The following PATJ variants were observed in gnomAD, a reference collection of about 807,000 sequenced individuals.
PATJ encodes PATJ crumbs cell polarity complex component.
Under a neutral mutation model 224.9 loss-of-function variants are expected in PATJ, and 190 were observed. That is an observed-to-expected ratio of 0.84 (90% CI 0.75 to 0.95). The LOEUF (loss-of-function observed/expected upper bound fraction) is 0.95, where lower values mean the gene tolerates loss of function less well. Among genes scored for constraint, PATJ ranks in the 40% least tolerant of loss-of-function variants. The pLI, the probability that PATJ is intolerant of heterozygous loss-of-function variation, is 0.00. For missense variants in PATJ, 2,121 were observed against 2,270.3 expected, an observed-to-expected ratio of 0.93 and a Z score of 1.34; for synonymous variants, 769 against 820.3, an observed-to-expected ratio of 0.94 and a Z score of 1.07.
At chr1:61,830,488 A>G (rs1442702344) in intron 16 of PATJ, among the ~76,000 whole-genome samples, 1 of 152,240 alleles carries the variant, frequency 6.6e-6, no homozygotes, top group Non-Finnish European at 1.5e-5. Flanking sequence ...CGAATTAGAA[A>G]AAAACTATTC....
chr1:62,111,260 C>T (rs534141556), intron 34 of PATJ, among the ~76,000 whole-genome samples: 1 of 152,188 alleles, frequency 6.6e-6, no homozygotes, highest in South Asian at 2.1e-4. Context: ...GTCTTGTGTG[C>T]CATCTGTTGG....
At chr1:61,901,164 A>G (rs1255007231) in intron 23 of PATJ, 118 bp from the exon 24 acceptor site, 1 of 494,452 alleles carries the variant, frequency 2.0e-6, no homozygotes, top group Non-Finnish European at 3.3e-6. Flanking sequence ...ATTTGTAAAA[A>G]TATATTTCAA....
At chr1:61,976,170 T>C (rs1644118719) in intron 27 of PATJ, among the ~76,000 whole-genome samples, 1 of 152,020 alleles carries the variant, frequency 6.6e-6, no homozygotes, top group African/African-American at 2.4e-5. Context: ...AGGAAGGTTT[T>C]AGGCTTTCCT....
chr1:62,070,818 G>GGTCA (rs1191887077), intron 31 of PATJ, among the ~76,000 whole-genome samples: 5 of 152,140 alleles, frequency 3.3e-5, no homozygotes, highest in Non-Finnish European at 4.4e-5. Context: ...GTGTAGGCAT[G>GGTCA]GTCATCCAGG....
intron 14 of PATJ, among the ~76,000 whole-genome samples, chr1:61,813,364 T>TAG (rs1553167528): frequency 2.0e-5 from 1 of 50,904 alleles, no homozygotes; most frequent in South Asian, 6.7e-4. Flanking sequence ...TATATATATA[T>TAG]ATATATATAT....
At chr1:61,999,095 T>TAA (rs58825900) in intron 28 of PATJ, among the ~76,000 whole-genome samples, 11 of 150,044 alleles carry the variant, frequency 7.3e-5, no homozygotes, top group South Asian at 2.1e-4. Context: ...AGAAATCTGT[T>TAA]AAAAAAAAAA....
chr1:61,765,161 A>G (rs1646199209), intron 3 of PATJ, among the ~76,000 whole-genome samples: 1 of 125,236 alleles, frequency 8.0e-6, no homozygotes, highest in African/African-American at 3.0e-5. Context: ...TGTAGCCTCA[A>G]CCTCCTGGGC....
chr1:62,069,184 G>A (rs1473775072), intron 31 of PATJ, among the ~76,000 whole-genome samples: 1 of 152,150 alleles, frequency 6.6e-6, no homozygotes, highest in African/African-American at 2.4e-5. Context: ...AATCTTGCGT[G>A]TGTTGCTGGG....
At position 62,046,238 on chromosome 1, in the gene PATJ, G is replaced by GGAAAGGA. The variant is rs1424281940; in HGVS notation, c.4033-4728_4033-4727insGAAAGGA. Among the ~76,000 whole-genome samples the GGAAAGGA allele has an allele frequency of 6.3e-5, 9 of 142,442 alleles. No homozygotes were observed. In the East Asian group the frequency reaches 1.4e-3, roughly 22 times the overall value. 93.4% of individuals were successfully genotyped at this position (142,442 alleles called of 152,430 possible). On this transcript the variant is annotated intron_variant, in intron 30 of 43. Coordinates refer to ENST00000642238, the MANE Select transcript of PATJ (RefSeq NM_001350145.3). ...AAGGAAGGAAGGAAAGGAAGGAAGG[G>GGAAAGGA]AGGGAGGGAGGGAGGGAGGGAAAGG... is the stretch of plus-strand genomic sequence containing the variant.
chr1:61,857,507 G>A (rs1384770344), intron 18 of PATJ, among the ~76,000 whole-genome samples: 1 of 152,200 alleles, frequency 6.6e-6, no homozygotes, highest in Non-Finnish European at 1.5e-5. Flanking sequence ...TTACTATGTT[G>A]TCACTTGCCT....
chr1:61,794,988 A>G (rs894169466), intron 9 of PATJ, among the ~76,000 whole-genome samples: 1 of 151,990 alleles, frequency 6.6e-6, no homozygotes, highest in African/African-American at 2.4e-5. Flanking sequence ...ATCTCAAAAA[A>G]CAAACAAAAA....
intron 1 of PATJ, among the ~76,000 whole-genome samples, chr1:61,753,730 G>A (rs891326268): frequency 4.0e-5 from 6 of 151,792 alleles, no homozygotes; most frequent in South Asian, 2.1e-4. Flanking sequence ...GGCTGGTCTC[G>A]AACTCCTGAC....
chr1:61,979,637 G>A (rs1278374960), intron 27 of PATJ, among the ~76,000 whole-genome samples: 4 of 145,294 alleles, frequency 2.8e-5, no homozygotes, highest in African/African-American at 5.2e-5. Context: ...TGGCGACAGA[G>A]GGAGACTCCG....
At position 62,161,265 on chromosome 1, in the gene PATJ, G is replaced by C; in HGVS notation, c.*211G>C. ...GTTTCCCAGTTCCTGTCACCTGTTG[G>C]CGAGGTTGATTTCTAAAACTTAAAT... On this transcript the variant is annotated 3_prime_UTR_variant, in exon 44 of 44. Transcript: ENST00000642238. The C allele has an allele frequency of 2.5e-6, 1 of 400,328 alleles. No homozygotes were observed. Among genetic ancestry groups the C allele is most frequent in the Non-Finnish European group, 4.4e-6 (1 of 228,924 alleles). 24.8% of individuals were successfully genotyped at this position (400,328 alleles called of 1,614,324 possible).
chr1:62,106,156 GTGTATATATA>G (rs1361294013), intron 33 of PATJ, among the ~76,000 whole-genome samples: 1,635 of 54,850 alleles, frequency 0.03, 220 homozygotes, highest in African/African-American at 0.093. Flanking sequence ...GTGTGTGTGT[GTGTATATATA>G]TATATATATA....
At chr1:61,983,239 A>G (rs1419172721) in intron 27 of PATJ, among the ~76,000 whole-genome samples, 2 of 152,056 alleles carry the variant, frequency 1.3e-5, no homozygotes, top group African/African-American at 4.8e-5. Context: ...GGATAACCCA[A>G]ATTCTGAGGC....
chr1:61,898,714 C>T (rs996760269), intron 22 of PATJ, among the ~76,000 whole-genome samples: 5 of 152,218 alleles, frequency 3.3e-5, no homozygotes, highest in African/African-American at 1.2e-4. Flanking sequence ...ATACACGGCA[C>T]TGTCTATTCA....
At chr1:62,021,940 C>A (rs1276762885) in intron 29 of PATJ, among the ~76,000 whole-genome samples, 1 of 152,120 alleles carries the variant, frequency 6.6e-6, no homozygotes, top group Non-Finnish European at 1.5e-5. Context: ...TATTTCTTTA[C>A]AATTTGCACT....
chr1:61,787,805 G>T lies in PATJ; in HGVS notation c.901G>T (p.Val301Leu). The change falls in exon 8 of 44, where the codon GTG becomes TTG. Residue 301 changes from valine (V) to leucine (L), a missense_variant. By Grantham distance (32) the Val-to-Leu change is conservative. Coordinates refer to ENST00000642238, the MANE Select transcript of PATJ (RefSeq NM_001350145.3). ...CATCTTGAAGATTGGTGGCACAAAC[G>T]TGCAGGGAATGACCAGTGAGCAAGT... Reference protein sequence around the residue: ...DHILKIGGTNVQGMTSEQVAQ... With the variant: ...DHILKIGGTNLQGMTSEQVAQ... 1.2e-6 allele frequency: 2 copies of T among 1,614,158 alleles called. No individual in the cohort carries two copies. Among genetic ancestry groups the T allele is most frequent in the South Asian group, 1.1e-5 (1 of 91,088 alleles).
Sources: allele counts gnomAD v4.1 joint callset (sites outside exome capture counted in the v4.1 genomes callset), GRCh38; gene constraint gnomAD v4.1.1; transcripts MANE v1.5; gene names NCBI Gene and HGNC (gene_info 2026-07-23, HGNC 2026-07-21).